PDE3A: variants seen among roughly 807,000 people sequenced by gnomAD.
The protein encoded by PDE3A is cGMP-inhibited 3',5'-cyclic phosphodiesterase 3A.
In PDE3A, 43 loss-of-function variants were observed where a neutral mutation model predicts 98.3. That is an observed-to-expected ratio of 0.44 (90% CI 0.34 to 0.56). The LOEUF (loss-of-function observed/expected upper bound fraction) is 0.56. Ranked by LOEUF, PDE3A falls within the 20% of genes least tolerant of loss-of-function variation. PDE3A has a pLI of 0.01. For synonymous variants in PDE3A, 663 were observed against 567.9 expected, an observed-to-expected ratio of 1.17 and a Z score of -2.38; for missense variants, 1,427 against 1,440.7, an observed-to-expected ratio of 0.99 and a Z score of 0.15.
chr12:20,509,574 T>C (rs76377505), intron 1 of PDE3A, among the ~76,000 whole-genome samples: 5,135 of 152,224 alleles, frequency 0.034, 287 homozygotes, highest in African/African-American at 0.12. Context: ...GGAAAACTAT[T>C]TTAAAAGGGT....
At chr12:20,635,844 A>G (rs1211883499) in intron 8 of PDE3A, among the ~76,000 whole-genome samples, 1 of 151,686 alleles carries the variant, frequency 6.6e-6, no homozygotes, top group Non-Finnish European at 1.5e-5. Context: ...AGCCCTTCCC[A>G]TACATATCAA....
chr12:20,425,371 A>C lies in PDE3A; in HGVS notation c.960+55127A>C, dbSNP rs1014494351. Among the ~76,000 whole-genome samples the C allele has an allele frequency of 2.6e-5, 4 of 152,148 alleles. No individual in the cohort carries two copies. In the East Asian group the frequency reaches 7.7e-4, roughly 29 times the overall value. On this transcript the variant is annotated intron_variant, in intron 1 of 15. Coordinates refer to ENST00000359062, the MANE Select transcript of PDE3A (RefSeq NM_000921.5). ...TCAAGTCTCAACATGTGTCTCTTTA[A>C]AGAGAATATTTCACCTTTCAAAATG...
Position 20,680,241 on chromosome 12 carries a change from G to A in PDE3A, c.3396G>A (p.Glu1132=), listed in dbSNP as rs1945742749. Residue 1132 remains glutamate, a synonymous_variant, in exon 16 of 16, where the codon GAG becomes GAA. Transcript: ENST00000359062. ...AAGAGAAAGGGAAACCAAGAGGCGA[G>A]GAGATACCAACCCAAAAGCCAGACC... ...EEEEKGKPRG[E]EIPTQKPDQ is the part of the protein sequence containing the mutation. The A allele has an allele frequency of 6.2e-7, 1 of 1,613,856 alleles. No individual in the cohort carries two copies. Among genetic ancestry groups the A allele is most frequent in the South Asian group, 1.1e-5 (1 of 91,074 alleles).
rs183767286 is a variant in PDE3A, at chr12:20,608,071, C to A, written c.1012-5372C>A. ...CACTACCAAAAACCAAAACCCCTCT[C>A]CCTTAAAATTCCTTAATAGGGACAT... On this transcript the variant is annotated intron_variant, in intron 2 of 15. Coordinates refer to ENST00000359062, the MANE Select transcript of PDE3A (RefSeq NM_000921.5). Among the ~76,000 whole-genome samples the A allele has an allele frequency of 2.3e-3, 342 of 150,214 alleles. 1 individual carries two copies. The highest frequency in any genetic ancestry group is 7.6e-3 in the African/African-American group (316 of 41,444).
At chr12:20,520,716 T>C (rs958334706) in intron 1 of PDE3A, among the ~76,000 whole-genome samples, 1 of 152,166 alleles carries the variant, frequency 6.6e-6, no homozygotes, top group Admixed American at 6.5e-5. Flanking sequence ...CTTCTTGGCT[T>C]TGTATGCTCA....
At chr12:20,531,535 G>A (rs1232701193) in intron 1 of PDE3A, among the ~76,000 whole-genome samples, 1 of 151,878 alleles carries the variant, frequency 6.6e-6, no homozygotes, top group Non-Finnish European at 1.5e-5. Context: ...TTACTAGATG[G>A]GTAAGACGGT....
At chr12:20,469,073 G>T (rs975768548) in intron 1 of PDE3A, among the ~76,000 whole-genome samples, 2 of 152,084 alleles carry the variant, frequency 1.3e-5, no homozygotes, top group Non-Finnish European at 2.9e-5. Flanking sequence ...TAGTATGCTT[G>T]AGAATTACTA....
chr12:20,607,465 A>G (rs954470379), intron 2 of PDE3A, among the ~76,000 whole-genome samples: 21 of 151,856 alleles, frequency 1.4e-4, no homozygotes, highest in Non-Finnish European at 2.2e-4. Flanking sequence ...AAAAGAAAAA[A>G]AAACACATTG....
chr12:20,369,723 G>A lies in PDE3A; in HGVS notation c.439G>A (p.Gly147Ser), dbSNP rs1212276985. The change falls in exon 1 of 16, where the codon GGC becomes AGC. Residue 147 changes from glycine (G) to serine (S), a missense_variant. Gly to Ser is a moderately conservative substitution (Grantham distance 56). Transcript: ENST00000359062. ...TCTCCTGTGTGCCTTCTTCTGGATG[G>A]GCTTGTACCTCCTGCGCGCCGGGGT... ...FSLLCAFFWM[G>S]LYLLRAGVRL... is the part of the protein sequence containing the mutation. The A allele has an allele frequency of 6.2e-7, 1 of 1,612,250 alleles. No individual in the cohort carries two copies. Among genetic ancestry groups the A allele is most frequent in the Non-Finnish European group, 8.5e-7 (1 of 1,179,718 alleles).
At chr12:20,665,575 A>C (rs1945287835) in intron 15 of PDE3A, among the ~76,000 whole-genome samples, 1 of 152,208 alleles carries the variant, frequency 6.6e-6, no homozygotes, top group Non-Finnish European at 1.5e-5. Flanking sequence ...AATATATGAA[A>C]ATAAGATTTG....
chr12:20,411,301 T>C (rs1366066469), intron 1 of PDE3A, among the ~76,000 whole-genome samples: 7 of 152,148 alleles, frequency 4.6e-5, no homozygotes, highest in Admixed American at 4.6e-4. Flanking sequence ...TTACTCCCCA[T>C]TTCTTCCTTT....
intron 2 of PDE3A, among the ~76,000 whole-genome samples, chr12:20,585,210 A>C (rs768539149): frequency 6.6e-6 from 1 of 152,202 alleles, no homozygotes; most frequent in Non-Finnish European, 1.5e-5. Context: ...ATAAGTTCAG[A>C]GAAGACATTG....
At chr12:20,462,825 C>G (rs563151098) in intron 1 of PDE3A, among the ~76,000 whole-genome samples, 2 of 151,928 alleles carry the variant, frequency 1.3e-5, no homozygotes, top group African/African-American at 4.8e-5. Context: ...GCATCTCACT[C>G]TGTCATCTAG....
chr12:20,490,908 C>A (rs942850083), intron 1 of PDE3A, among the ~76,000 whole-genome samples: 1 of 151,978 alleles, frequency 6.6e-6, no homozygotes, highest in African/African-American at 2.4e-5. Flanking sequence ...AGTTTGAGAC[C>A]AGTCTGGGCA....
At chr12:20,391,388 TAC>T (rs202143143) in intron 1 of PDE3A, among the ~76,000 whole-genome samples, 6,547 of 103,838 alleles carry the variant, frequency 0.063, 455 homozygotes, top group African/African-American at 0.2. Flanking sequence ...TATATATATA[TAC>T]ACACACACAT....
chr12:20,620,430 A>G (rs771874722), intron 4 of PDE3A, among the ~76,000 whole-genome samples: 42 of 152,048 alleles, frequency 2.8e-4, no homozygotes, highest in Non-Finnish European at 4.9e-4. Context: ...TTGTCAACAC[A>G]ACTTTCGAAA....
intron 1 of PDE3A, among the ~76,000 whole-genome samples, chr12:20,505,056 A>G (rs574169377): frequency 6.6e-6 from 1 of 152,096 alleles, no homozygotes; most frequent in Admixed American, 6.6e-5. Context: ...AGCAAATACA[A>G]GTGCTTAGGC....
rs1241444431 is a variant in PDE3A, at chr12:20,680,840, G to GTT, written c.*570_*571insTT. 1 of 152,910 alleles carries GTT rather than the reference G, an allele frequency of 6.5e-6. No individual in the cohort carries two copies. 9.5% of individuals were successfully genotyped at this position (152,910 alleles called of 1,614,324 possible). On this transcript the variant is annotated 3_prime_UTR_variant, in exon 16 of 16. Transcript: ENST00000359062. ...TCCTGCCAACACTGTGTGTGTGTGT[G>GTT]TGTGTGTGTGTGTGTGTGTGTGTGT...
chr12:20,561,681 C>G (rs1175179648), intron 2 of PDE3A, among the ~76,000 whole-genome samples: 1 of 152,046 alleles, frequency 6.6e-6, no homozygotes, highest in Non-Finnish European at 1.5e-5. Flanking sequence ...CTTCCCCTGG[C>G]TTCTCCCGGG....
Sources: gnomAD v4.1 joint callset for allele counts (sites outside exome capture counted in the v4.1 genomes callset) on GRCh38, gnomAD v4.1.1 for gene constraint, MANE v1.5 for transcripts, NCBI Gene and HGNC (gene_info 2026-07-23, HGNC 2026-07-21) for gene names.